The following GFPT1 variants were observed in gnomAD, a reference collection of about 807,000 sequenced individuals.
GFPT1 encodes glutamine--fructose-6-phosphate transaminase 1.
GFPT1 carries 40 observed loss-of-function variants against 92.0 expected under a neutral mutation model. The ratio of observed to expected loss-of-function variants is 0.43; its 90% CI spans 0.34 to 0.57. The LOEUF (loss-of-function observed/expected upper bound fraction) is 0.57, where lower values mean the gene tolerates loss of function less well. Ranked by LOEUF, GFPT1 falls within the 20% of genes least tolerant of loss-of-function variation. The pLI is 0.02. For synonymous variants in GFPT1, 269 were observed against 280.6 expected (o/e 0.96, Z 0.41); for missense variants, 448 against 869.1 (o/e 0.52, Z 6.09).
chr2:69,346,740 C>CT (rs796785994), intron 11 of GFPT1, among the ~76,000 whole-genome samples: 1,871 of 148,278 alleles, frequency 0.013, 42 homozygotes, highest in African/African-American at 0.043. Flanking sequence ...CTTATTTTTA[C>CT]TTTTTTTTTT....
intron 7 of GFPT1, among the ~76,000 whole-genome samples, chr2:69,356,251 C>T (rs1671335260): frequency 6.6e-6 from 1 of 152,118 alleles, no homozygotes; most frequent in Admixed American, 6.5e-5. Flanking sequence ...GCCTCGACCT[C>T]CCAAAATGCT....
At chr2:69,368,541 A>T (rs1198208222) in intron 3 of GFPT1, among the ~76,000 whole-genome samples, 1 of 152,192 alleles carries the variant, frequency 6.6e-6, no homozygotes, top group East Asian at 1.9e-4. Context: ...CAGCCTGGCC[A>T]ATATGGTGAA....
chr2:69,386,885 C>T (rs1672141456), intron 1 of GFPT1, among the ~76,000 whole-genome samples, 180 bp downstream of exon 1: 1 of 152,200 alleles, frequency 6.6e-6, no homozygotes, highest in African/African-American at 2.4e-5. Flanking sequence ...CCGCCACCCC[C>T]TCTCCCGCCC....
chr2:69,374,252 T>C (rs1671818814), intron 1 of GFPT1, 139 bp from the exon 2 acceptor site: 1 of 532,396 alleles, frequency 1.9e-6, no homozygotes, highest in African/African-American at 1.9e-5. Flanking sequence ...AATGGAACTT[T>C]TTCAAGGGGG....
chr2:69,386,223 C>G (rs1398351944), intron 1 of GFPT1, among the ~76,000 whole-genome samples: 1 of 152,188 alleles, frequency 6.6e-6, no homozygotes, highest in East Asian at 1.9e-4. Context: ...ACTCTCAAAA[C>G]ATGGAATAAA....
At chr2:69,377,268 G>A (rs1170004504) in intron 1 of GFPT1, among the ~76,000 whole-genome samples, 1 of 148,780 alleles carries the variant, frequency 6.7e-6, no homozygotes, top group Non-Finnish European at 1.5e-5. Context: ...TTTTAATAAT[G>A]TAACTCAACA....
chr2:69,340,360 T>C (rs2104620687), intron 13 of GFPT1, among the ~76,000 whole-genome samples: 1 of 152,170 alleles, frequency 6.6e-6, no homozygotes, highest in South Asian at 2.1e-4. Context: ...CAAAATGACA[T>C]ATTTCCATCA....
Position 69,329,346 on chromosome 2 carries a change from A to T in GFPT1, c.1676T>A (p.Leu559Gln). 1 of 1,613,282 alleles carries T rather than the reference A, an allele frequency of 6.2e-7. No individual in the cohort carries two copies. The highest frequency in any genetic ancestry group is 8.5e-7 in the Non-Finnish European group (1 of 1,179,196). ...ATAATGATAGCCTCGTCCCATTATC[A>T]GAACTGACTTCTGATGATAAAGTTC... The part of the protein sequence containing the change: ...ATELYHQKSV[L>Q]IMGRGYHYAT... Residue 559 changes from leucine to glutamine, a missense_variant, in exon 17 of 20, where the codon CTG becomes CAG. Transcript: ENST00000357308.
intron 13 of GFPT1, among the ~76,000 whole-genome samples, chr2:69,341,792 C>T (rs1293600442): frequency 1.3e-5 from 2 of 152,090 alleles, no homozygotes; most frequent in African/African-American, 4.8e-5. Flanking sequence ...TGATGCAGGC[C>T]ATCTGTCTAG....
chr2:69,349,209 ATATTT>A (rs1331332318), intron 10 of GFPT1, among the ~76,000 whole-genome samples: 1 of 152,188 alleles, frequency 6.6e-6, no homozygotes, highest in Non-Finnish European at 1.5e-5. Context: ...AGGAAAAGTA[ATATTT>A]TTATTTTTAC....
chr2:69,376,283 C>T (rs769012812), intron 1 of GFPT1, among the ~76,000 whole-genome samples: 29 of 152,078 alleles, frequency 1.9e-4, no homozygotes, highest in African/African-American at 6.8e-4. Flanking sequence ...CTAAGGCAGG[C>T]GCATCACCTG....
intron 3 of GFPT1, among the ~76,000 whole-genome samples, chr2:69,368,621 C>T (rs977634288): frequency 6.6e-6 from 1 of 151,882 alleles, no homozygotes; most frequent in Admixed American, 6.6e-5. Context: ...CCCAGCCACT[C>T]GGGAGTCTGA....
intron 1 of GFPT1, among the ~76,000 whole-genome samples, chr2:69,384,695 A>C (rs1330065112): frequency 1.9e-4 from 4 of 20,706 alleles, no homozygotes; most frequent in Admixed American, 3.5e-4. Flanking sequence ...CCCCGTCACA[A>C]AAAAAAAAAA....
chr2:69,366,068 C>T (rs1370728660), intron 3 of GFPT1, among the ~76,000 whole-genome samples: 1 of 152,192 alleles, frequency 6.6e-6, no homozygotes, highest in African/African-American at 2.4e-5. Context: ...CCCACCTCAA[C>T]CTCCCAAAGT....
intron 9 of GFPT1, among the ~76,000 whole-genome samples, chr2:69,353,202 C>T (rs1208179129): frequency 6.6e-6 from 1 of 152,066 alleles, no homozygotes; most frequent in East Asian, 1.9e-4. Context: ...TCAAGAACAG[C>T]CTGGGCAATA....
chr2:69,341,569 CTAAGG>C (rs1410288303), intron 13 of GFPT1, among the ~76,000 whole-genome samples: 14 of 152,130 alleles, frequency 9.2e-5, no homozygotes, highest in African/African-American at 3.1e-4. Flanking sequence ...CTGTCTCTTT[CTAAGG>C]AAACTACGTG....
intron 15 of GFPT1, among the ~76,000 whole-genome samples, chr2:69,334,081 G>A (rs13019789): frequency 0.023 from 3,425 of 152,170 alleles, 54 homozygotes; most frequent in Non-Finnish European, 0.035. Context: ...ACTTGAAACC[G>A]GAGGGCGGAA....
chr2:69,376,052 A>G (rs1208560753), intron 1 of GFPT1, among the ~76,000 whole-genome samples: 3 of 152,250 alleles, frequency 2.0e-5, no homozygotes, highest in African/African-American at 7.2e-5. Context: ...CTGTAATATG[A>G]ATAAACGAAT....
chr2:69,346,383 C>T (rs562066277), intron 11 of GFPT1, among the ~76,000 whole-genome samples: 2 of 152,106 alleles, frequency 1.3e-5, no homozygotes, highest in Admixed American at 1.3e-4. Context: ...TGACTACAGG[C>T]GTGTGCTACC....
Sources: allele counts gnomAD v4.1 joint callset (sites outside exome capture counted in the v4.1 genomes callset), GRCh38; gene constraint gnomAD v4.1.1; transcripts MANE v1.5; gene names NCBI Gene and HGNC (gene_info 2026-07-23, HGNC 2026-07-21).